The following LRRIQ3 variants were observed in gnomAD, a reference collection of about 807,000 sequenced individuals.
LRRIQ3 encodes leucine rich repeats and IQ motif containing 3.
Under a neutral mutation model 59.3 loss-of-function variants are expected in LRRIQ3, and 75 were observed. The ratio of observed to expected loss-of-function variants is 1.26; its 90% CI spans 1.05 to 1.53. The LOEUF is 1.53. LRRIQ3 is among the 40% of genes most tolerant of loss of function. LRRIQ3 has a pLI of 0.00. For synonymous variants in LRRIQ3, 250 were observed against 231.3 expected (o/e 1.08, Z -0.73); for missense variants, 831 against 710.0 (o/e 1.17, Z -1.94).
intron 6 of LRRIQ3, among the ~76,000 whole-genome samples, chr1:74,057,847 A>G (rs1654584350): frequency 6.6e-6 from 1 of 152,180 alleles, no homozygotes; most frequent in Non-Finnish European, 1.5e-5. Context: ...AATATCAAAA[A>G]TACATAGGGA....
intron 1 of LRRIQ3, among the ~76,000 whole-genome samples, chr1:74,184,989 T>G (rs1202389889): frequency 6.6e-6 from 1 of 152,214 alleles, no homozygotes; most frequent in Non-Finnish European, 1.5e-5. Flanking sequence ...ATAACTCATT[T>G]TTTAAAGTAC....
intron 3 of LRRIQ3, among the ~76,000 whole-genome samples, chr1:74,174,478 G>C (rs1649517452): frequency 6.6e-6 from 1 of 151,602 alleles, no homozygotes; most frequent in African/African-American, 2.4e-5. Context: ...TGCCTCCCAG[G>C]TTCAAGCAAT....
intron 6 of LRRIQ3, among the ~76,000 whole-genome samples, chr1:74,060,162 T>G (rs896975768): frequency 3.9e-5 from 6 of 151,900 alleles, no homozygotes; most frequent in Non-Finnish European, 8.8e-5. Flanking sequence ...CGCCTTCTTC[T>G]TCGTCGTCAT....
In LRRIQ3 at chr1:74,126,184, G is replaced by T. The variant is rs371483414; in HGVS notation, c.708-16631C>A. Among the ~76,000 whole-genome samples the T allele has an allele frequency of 9.2e-5, 14 of 151,816 alleles. No individual in the cohort carries two copies. In the East Asian group the frequency reaches 2.1e-3, roughly 23 times the overall value. ...ACTAATAATCTTTCGGATTTCTGTG[G>T]TATTGCTTGTGATGTCTCTACTATC... On this transcript the variant is annotated intron_variant, in intron 4 of 7. Coordinates refer to ENST00000354431, the MANE Select transcript of LRRIQ3 (RefSeq NM_001105659.2).
intron 4 of LRRIQ3, among the ~76,000 whole-genome samples, chr1:74,148,650 G>C (rs967109514): frequency 1.3e-5 from 2 of 152,162 alleles, no homozygotes; most frequent in African/African-American, 4.8e-5. Context: ...TGAAAATTCT[G>C]TTTTTAAAGT....
rs1570269158 is a variant in LRRIQ3 at position 74,180,617 on chromosome 1, CT to C, written c.573+1920del. ...GTATTTCCACACTTATTCTTCTCCT[CT>C]TTCCACACTCAGTGTGAAAAGTACA... On this transcript the variant is annotated intron_variant, in intron 3 of 7. Coordinates refer to ENST00000354431, the MANE Select transcript of LRRIQ3 (RefSeq NM_001105659.2). 1.3e-5 allele frequency: 15 copies of C among 1,135,934 alleles called. No individual in the cohort carries two copies. The East Asian group carries it at 4.0e-4, about 30-fold the overall frequency. The allele number at this position is 1,135,934 out of a possible 1,614,324, so 70.4% of individuals were successfully genotyped here. A position where few individuals can be genotyped will look rare whatever the true frequency, so the allele number is the denominator to read the frequency against.
At chr1:74,152,167 G>T (rs1209353951) in intron 4 of LRRIQ3, among the ~76,000 whole-genome samples, 3 of 151,690 alleles carry the variant, frequency 2.0e-5, no homozygotes, top group East Asian at 3.9e-4. Flanking sequence ...ATTTAGAAAT[G>T]CAGTGATAGA....
chr1:74,138,467 T>A lies in LRRIQ3; in HGVS notation c.707+17266A>T, dbSNP rs1647166322. 1.0e-5 allele frequency: 10 copies of A among 984,430 alleles called. 1 individual carries two copies. Among genetic ancestry groups the A allele is most frequent in the Middle Eastern group, 5.2e-4 (1 of 1,912 alleles). 61.0% of individuals were successfully genotyped at this position (984,430 alleles called of 1,614,324 possible). The stretch of plus-strand genomic sequence containing the variant: ...ACTTTTTGGTGTCCCATGGGCAGGG[T>A]CTGACCCAGAGTTCAGCTAGGCATG... On this transcript the variant is annotated intron_variant, in intron 4 of 7. Transcript: ENST00000354431.
intron 4 of LRRIQ3, chr1:74,138,469 T>C (rs960054902): frequency 1.1e-5 from 11 of 984,412 alleles, no homozygotes; most frequent in Middle Eastern, 5.2e-4. Flanking sequence ...GGGCAGGGTC[T>C]GACCCAGAGT....
intron 7 of LRRIQ3, among the ~76,000 whole-genome samples, chr1:74,040,731 T>G (rs1654018756): frequency 6.6e-6 from 1 of 152,170 alleles, no homozygotes; most frequent in Admixed American, 6.5e-5. Context: ...TCAGTGTTAT[T>G]TGAAACCAGT....
intron 7 of LRRIQ3, among the ~76,000 whole-genome samples, chr1:74,033,252 G>A (rs1188330283): frequency 6.6e-6 from 1 of 152,030 alleles, no homozygotes; most frequent in East Asian, 1.9e-4. Context: ...TAGTTGAAAT[G>A]TTCCAAGGGT....
chr1:74,130,510 G>C (rs111787003), intron 4 of LRRIQ3, among the ~76,000 whole-genome samples: 4 of 152,094 alleles, frequency 2.6e-5, no homozygotes, highest in Non-Finnish European at 5.9e-5. Flanking sequence ...GGCAATTAAG[G>C]ACTGGCTTTC....
At chr1:74,027,085 G>T (rs1384884) in intron 7 of LRRIQ3, 116 bp from the exon 8 acceptor site, 553,983 of 620,692 alleles carry the variant, frequency 0.89, 250,024 homozygotes, top group East Asian at 0.97. Context: ...ATATACAAGT[G>T]AGAAAGACAC....
chr1:74,114,955 T>C (rs975843493), intron 4 of LRRIQ3, among the ~76,000 whole-genome samples: 2 of 152,112 alleles, frequency 1.3e-5, no homozygotes. Flanking sequence ...TACAATTATA[T>C]GATTAATTTT....
intron 3 of LRRIQ3, among the ~76,000 whole-genome samples, chr1:74,168,128 A>G (rs1649102929): frequency 6.6e-6 from 1 of 152,016 alleles, no homozygotes; most frequent in African/African-American, 2.4e-5. Context: ...TATTTTCTAT[A>G]TATATCCTAA....
At chr1:74,101,130 A>G (rs1646524819) in intron 5 of LRRIQ3, among the ~76,000 whole-genome samples, 2 of 152,176 alleles carry the variant, frequency 1.3e-5, no homozygotes, top group African/African-American at 4.8e-5. Flanking sequence ...CAATCTACAG[A>G]ACAGGAGAAC....
intron 6 of LRRIQ3, among the ~76,000 whole-genome samples, chr1:74,069,023 A>T (rs1654946378): frequency 6.6e-6 from 1 of 152,054 alleles, no homozygotes; most frequent in African/African-American, 2.4e-5. Flanking sequence ...GTATATAATG[A>T]AGGTAAAATA....
intron 5 of LRRIQ3, among the ~76,000 whole-genome samples, chr1:74,076,450 T>A (rs1646210865): frequency 6.6e-6 from 1 of 152,156 alleles, no homozygotes; most frequent in Non-Finnish European, 1.5e-5. Context: ...CCAAATATAT[T>A]AGTTCTTAGT....
At chr1:74,064,257 A>G (rs1275994394) in intron 6 of LRRIQ3, among the ~76,000 whole-genome samples, 1 of 151,678 alleles carries the variant, frequency 6.6e-6, no homozygotes, top group Non-Finnish European at 1.5e-5. Context: ...TTTTTATCCT[A>G]TTTCTTTCTG....
Sources: allele counts gnomAD v4.1 joint callset (sites outside exome capture counted in the v4.1 genomes callset), GRCh38; gene constraint gnomAD v4.1.1; transcripts MANE v1.5; gene names NCBI Gene and HGNC (gene_info 2026-07-23, HGNC 2026-07-21).